The following USH2A variants were observed in gnomAD, a reference collection of about 807,000 sequenced individuals.
USH2A encodes Usher syndrome 2A (autosomal recessive, mild).
A neutral mutation model predicts 538.9 loss-of-function variants in USH2A; 443 were observed. The ratio of observed to expected loss-of-function variants is 0.82; its 90% CI spans 0.76 to 0.89. USH2A has a LOEUF of 0.89. Ranked by LOEUF, USH2A falls within the 40% of genes least tolerant of loss-of-function variation. USH2A has a pLI of 0.00. For synonymous variants in USH2A, 2,413 were observed against 2,273.5 expected, an observed-to-expected ratio of 1.06 and a Z score of -1.75; for missense variants, 6,633 against 6,324.8, an observed-to-expected ratio of 1.05 and a Z score of -1.65.
At chr1:216,161,143 A>G (rs2034051306) in intron 21 of USH2A, among the ~76,000 whole-genome samples, 1 of 152,062 alleles carries the variant, frequency 6.6e-6, no homozygotes, top group Non-Finnish European at 1.5e-5. Context: ...TCAATCTGAG[A>G]ACTTTTATGC....
Position 215,970,327 on chromosome 1 carries a change from C to CT in USH2A, c.6957+297dup, listed in dbSNP as rs748422623. 7.2e-4 allele frequency among the ~76,000 whole-genome samples: 110 copies of CT among 152,186 alleles called. 2 individuals carry two copies. The South Asian group carries it at 0.015, about 21-fold the overall frequency. On this transcript the variant is annotated intron_variant, in intron 36 of 71. Coordinates refer to ENST00000307340, the MANE Select transcript of USH2A (RefSeq NM_206933.4). ...CATGATTAGAAAGAAAAACATCTGC[C>CT]TTCAATATGTCACTAAATTAGGAAA...
intron 70 of USH2A, among the ~76,000 whole-genome samples, chr1:215,631,046 T>A (rs1656267151): frequency 6.6e-6 from 1 of 152,120 alleles, no homozygotes; most frequent in Non-Finnish European, 1.5e-5. Flanking sequence ...GTTGATGAAA[T>A]ACAAAAGACA....
intron 38 of USH2A, among the ~76,000 whole-genome samples, chr1:215,904,886 G>T (rs1665594017): frequency 6.6e-6 from 1 of 152,014 alleles, no homozygotes; most frequent in Non-Finnish European, 1.5e-5. Context: ...TCACAGATTG[G>T]AATAATTGAG....
chr1:216,048,620 T>C lies in USH2A; in HGVS notation c.6077A>G (p.Lys2026Arg), dbSNP rs115039883. Reference protein sequence around the residue: ...TGILTGLLPFKNYAVTLTACT... With the variant: ...TGILTGLLPFRNYAVTLTACT... Reference sequence around the variant, plus strand: ...AGCAGTTAGGGTTACTGCATAGTTTTTGAAGGGTAGCAAGCCTGTCAATAT... The same window carrying C: ...AGCAGTTAGGGTTACTGCATAGTTTCTGAAGGGTAGCAAGCCTGTCAATAT... The change falls in exon 31 of 72, where the codon AAA (lysine) becomes AGA (arginine). Residue 2026 changes from lysine (K) to arginine (R), a missense_variant. Lys to Arg is a conservative substitution (Grantham distance 26). Coordinates refer to ENST00000307340, the MANE Select transcript of USH2A (RefSeq NM_206933.4). 7.8e-4 allele frequency: 1,254 copies of C among 1,614,122 alleles called. 13 individuals carry two copies. The African/African-American group carries it at 0.015, about 19-fold the overall frequency.
chr1:216,399,552 G>A (rs926894251), intron 3 of USH2A, among the ~76,000 whole-genome samples: 10 of 152,146 alleles, frequency 6.6e-5, no homozygotes, highest in Non-Finnish European at 1.3e-4. Context: ...TGGCATCAAT[G>A]AGGCAGAATA....
At chr1:216,063,552 G>T (rs2031253108) in intron 30 of USH2A, among the ~76,000 whole-genome samples, 1 of 152,084 alleles carries the variant, frequency 6.6e-6, no homozygotes, top group African/African-American at 2.4e-5. Flanking sequence ...GTACACATTG[G>T]CAAGAAATGT....
intron 21 of USH2A, among the ~76,000 whole-genome samples, chr1:216,118,988 G>A (rs1014217701): frequency 3.3e-5 from 5 of 152,314 alleles, no homozygotes; most frequent in Admixed American, 3.3e-4. Flanking sequence ...TGCCGCAAGT[G>A]TGCACAGCTT....
intron 11 of USH2A, among the ~76,000 whole-genome samples, chr1:216,253,045 A>C (rs1338301652): frequency 6.6e-6 from 1 of 152,222 alleles, no homozygotes; most frequent in African/African-American, 2.4e-5. Context: ...AATAATCTTA[A>C]ACATTACATG....
intron 3 of USH2A, among the ~76,000 whole-genome samples, chr1:216,390,785 C>T (rs147142773): frequency 6.6e-6 from 1 of 152,214 alleles, no homozygotes; most frequent in East Asian, 1.9e-4. Flanking sequence ...AAGCATGCTC[C>T]CACCACTTGG....
intron 49 of USH2A, among the ~76,000 whole-genome samples, chr1:215,811,139 T>C (rs533846775): frequency 5.4e-4 from 83 of 152,334 alleles, no homozygotes; most frequent in Middle Eastern, 3.4e-3. Context: ...ACCCTGTCCA[T>C]TCCTGGGCAT....
chr1:215,680,362 T>G lies in USH2A; in HGVS notation c.12081A>C (p.Gln4027His). Reference sequence around the variant, plus strand: ...ATGGTTCTAACCCGTACAGGTGGGCTTGATGGCTTGTTCCCTGTAAGAAAA... The same window carrying G: ...ATGGTTCTAACCCGTACAGGTGGGCGTGATGGCTTGTTCCCTGTAAGAAAA... ...HAFTVKGTSH[Q>H]AHLYGLEPFT... is the part of the protein sequence containing the mutation. The change falls in exon 62 of 72, where the codon CAA becomes CAC. Residue 4027 changes from glutamine to histidine, a missense_variant. Coordinates refer to ENST00000307340, the MANE Select transcript of USH2A (RefSeq NM_206933.4). The G allele has an allele frequency of 6.2e-7, 1 of 1,613,696 alleles. No homozygotes were observed. Among genetic ancestry groups the G allele is most frequent in the Non-Finnish European group, 8.5e-7 (1 of 1,179,924 alleles).
chr1:216,114,714 A>T (rs1293880929), intron 21 of USH2A, among the ~76,000 whole-genome samples: 1 of 152,164 alleles, frequency 6.6e-6, no homozygotes, highest in Admixed American at 6.5e-5. Context: ...GAAGAAATGA[A>T]ATTTCCAGTG....
At chr1:216,180,583 A>G (rs547621162) in intron 20 of USH2A, among the ~76,000 whole-genome samples, 1 of 152,222 alleles carries the variant, frequency 6.6e-6, no homozygotes, top group African/African-American at 2.4e-5. Flanking sequence ...CTTCTGAGGT[A>G]CTGGTCTTTA....
intron 37 of USH2A, among the ~76,000 whole-genome samples, chr1:215,944,104 G>T (rs528102): frequency 0.84 from 128,154 of 152,134 alleles, 54,178 homozygotes; most frequent in East Asian, 0.98. Context: ...GCATTTTAAT[G>T]TATAAACGAG....
intron 3 of USH2A, among the ~76,000 whole-genome samples, chr1:216,384,489 C>T (rs1056515359): frequency 2.6e-5 from 4 of 152,092 alleles, no homozygotes; most frequent in African/African-American, 9.7e-5. Flanking sequence ...GAGGAATAGG[C>T]ACTCTGATTC....
At chr1:215,803,759 T>A (rs1198929869) in intron 49 of USH2A, among the ~76,000 whole-genome samples, 2 of 152,158 alleles carry the variant, frequency 1.3e-5, no homozygotes, top group Admixed American at 6.5e-5. Context: ...CCAATGACTT[T>A]CTTCACAGAA....
chr1:215,805,236 T>C (rs1187293615), intron 49 of USH2A, among the ~76,000 whole-genome samples: 1 of 152,024 alleles, frequency 6.6e-6, no homozygotes, highest in Non-Finnish European at 1.5e-5. Context: ...TATATATATG[T>C]AACTAACCTG....
intron 13 of USH2A, among the ~76,000 whole-genome samples, chr1:216,232,548 T>A (rs2035721542): frequency 6.6e-6 from 1 of 152,226 alleles, no homozygotes; most frequent in Non-Finnish European, 1.5e-5. Context: ...AATAATGAAA[T>A]TTTTTAGCAA....
At chr1:216,355,422 G>T (rs1474946524) in intron 4 of USH2A, among the ~76,000 whole-genome samples, 1 of 151,636 alleles carries the variant, frequency 6.6e-6, no homozygotes, top group African/African-American at 2.4e-5. Context: ...TATAAATAGT[G>T]GCTGATATCT....
Sources: allele counts gnomAD v4.1 joint callset (sites outside exome capture counted in the v4.1 genomes callset), GRCh38; gene constraint gnomAD v4.1.1; transcripts MANE v1.5; gene names NCBI Gene and HGNC (gene_info 2026-07-23, HGNC 2026-07-21).